The following SSBP3 variants were observed in gnomAD, a reference collection of about 807,000 sequenced individuals.
SSBP3 encodes the protein single stranded DNA binding protein 3, also known as single-stranded DNA-binding protein 3.
SSBP3 carries 5 observed loss-of-function variants against 69.6 expected under a neutral mutation model. That is an observed-to-expected ratio of 0.07 (90% CI 0.04 to 0.15). SSBP3 has a LOEUF of 0.15. Among genes scored for constraint, SSBP3 ranks in the 10% least tolerant of loss-of-function variants. SSBP3 has a pLI of 1.00. For synonymous variants in SSBP3, 196 were observed against 193.4 expected, an observed-to-expected ratio of 1.01 and a Z score of -0.11; for missense variants, 312 against 534.0, an observed-to-expected ratio of 0.58 and a Z score of 4.10.
chr1:54,230,526 T>G (rs573932318), intron 14 of SSBP3, among the ~76,000 whole-genome samples: 17 of 152,298 alleles, frequency 1.1e-4, no homozygotes, highest in African/African-American at 4.1e-4. Flanking sequence ...TTTATTGAGA[T>G]ATAATTCACA....
At chr1:54,268,989 C>T (rs944696433) in intron 5 of SSBP3, among the ~76,000 whole-genome samples, 11 of 152,168 alleles carry the variant, frequency 7.2e-5, no homozygotes, top group African/African-American at 2.7e-4. Flanking sequence ...TCACAGAGAA[C>T]TGTCTAACTA....
chr1:54,293,587 C>T (rs1390935771), intron 4 of SSBP3, among the ~76,000 whole-genome samples: 2 of 152,212 alleles, frequency 1.3e-5, no homozygotes, highest in African/African-American at 4.8e-5. Context: ...CACATATTTC[C>T]TTGATGAATA....
chr1:54,394,695 CTTTTT>C (rs544898836), intron 4 of SSBP3, among the ~76,000 whole-genome samples: 11 of 97,150 alleles, frequency 1.1e-4, no homozygotes, highest in Non-Finnish European at 1.7e-4. Flanking sequence ...CTTAAGACTC[CTTTTT>C]TTTTTTTTTT....
chr1:54,335,561 G>A (rs1022269727), intron 4 of SSBP3, among the ~76,000 whole-genome samples: 4 of 152,158 alleles, frequency 2.6e-5, no homozygotes, highest in Non-Finnish European at 5.9e-5. Flanking sequence ...TCATGTGTCC[G>A]GCCAGACTTA....
At chr1:54,344,650 C>T (rs773087923) in intron 4 of SSBP3, among the ~76,000 whole-genome samples, 1 of 152,162 alleles carries the variant, frequency 6.6e-6, no homozygotes, top group Non-Finnish European at 1.5e-5. Context: ...TTGGGGGAAA[C>T]ATCCGATCAA....
rs146256738 is a variant in SSBP3 at position 54,368,023 on chromosome 1, C to T, written c.276+33838G>A. Among the ~76,000 whole-genome samples, 202 of 152,180 alleles carry T rather than the reference C, an allele frequency of 1.3e-3. 1 individual carries two copies. The highest frequency in any genetic ancestry group is 4.6e-3 in the African/African-American group (191 of 41,534). On this transcript the variant is annotated intron_variant, in intron 4 of 17. Coordinates refer to ENST00000610401, the Ensembl canonical transcript of SSBP3. ...ATTTAAAAAGATAGAAAACCTAGGC[C>T]GGGCACAGTGGCTCACACCTGTAAT...
intron 9 of SSBP3, among the ~76,000 whole-genome samples, chr1:54,250,021 G>C (rs942818143): frequency 6.6e-6 from 1 of 152,204 alleles, no homozygotes; most frequent in African/African-American, 2.4e-5. Flanking sequence ...TGTGACTGCT[G>C]TGTGGCTTAG....
chr1:54,233,478 G>C (rs1394115302), intron 14 of SSBP3, among the ~76,000 whole-genome samples: 1 of 151,406 alleles, frequency 6.6e-6, no homozygotes, highest in South Asian at 2.1e-4. Context: ...CACACCGTCT[G>C]GGAGGGAGGT....
chr1:54,271,251 C>G (rs1192447619), intron 5 of SSBP3, among the ~76,000 whole-genome samples: 1 of 152,068 alleles, frequency 6.6e-6, no homozygotes, highest in Non-Finnish European at 1.5e-5. Flanking sequence ...GCTGGGACTA[C>G]AAGCCTATGC....
chr1:54,226,667 C>CT (rs543365018), exon 18 of SSBP3: 18,194 of 131,166 alleles, frequency 0.14, 1,409 homozygotes, highest in South Asian at 0.24. Context: ...TTCCTTTTTC[C>CT]TTTTTTTTTT....
chr1:54,342,448 T>C (rs1424393593), intron 4 of SSBP3, among the ~76,000 whole-genome samples: 2 of 152,172 alleles, frequency 1.3e-5, no homozygotes, highest in Non-Finnish European at 2.9e-5. Flanking sequence ...ACCAGAGCAG[T>C]GGGTGGGGCC....
intron 5 of SSBP3, among the ~76,000 whole-genome samples, chr1:54,276,697 G>C (rs1280266089): frequency 6.7e-6 from 1 of 150,354 alleles, no homozygotes; most frequent in East Asian, 2.0e-4. Flanking sequence ...GAAGCCACTG[G>C]AACAACTGCA....
At chr1:54,380,081 C>T (rs1267561668) in intron 4 of SSBP3, among the ~76,000 whole-genome samples, 2 of 152,168 alleles carry the variant, frequency 1.3e-5, no homozygotes, top group East Asian at 3.9e-4. Context: ...GGAATGTGGC[C>T]AATCTCGCCA....
At chr1:54,376,523 G>A (rs1050587449) in intron 4 of SSBP3, among the ~76,000 whole-genome samples, 3 of 152,182 alleles carry the variant, frequency 2.0e-5, no homozygotes, top group African/African-American at 4.8e-5. Context: ...ATAATGTGAA[G>A]GAAAAACTCG....
At chr1:54,367,802 A>G (rs551799767) in intron 4 of SSBP3, among the ~76,000 whole-genome samples, 13 of 152,366 alleles carry the variant, frequency 8.5e-5, no homozygotes, top group African/African-American at 2.9e-4. Flanking sequence ...TGGACCAACA[A>G]CTTTACACAT....
chr1:54,229,348 C>T (rs1644342508), intron 14 of SSBP3, among the ~76,000 whole-genome samples: 1 of 152,234 alleles, frequency 6.6e-6, no homozygotes, highest in Non-Finnish European at 1.5e-5. Context: ...CTGGAGCTGT[C>T]ATGCTGGCCC....
intron 13 of SSBP3, among the ~76,000 whole-genome samples, chr1:54,240,091 CGCGCGCGCGT>C (rs1557448815): frequency 6.8e-4 from 23 of 33,836 alleles, no homozygotes; most frequent in Admixed American, 1.2e-3. Flanking sequence ...TGTGTGTGCG[CGCGCGCGCGT>C]GTGCGTGCGC....
chr1:54,243,378 A>C, intron 9 of SSBP3, 79 bp from the exon 10 acceptor site: 4 of 1,508,068 alleles, frequency 2.7e-6, no homozygotes, highest in Non-Finnish European at 3.7e-6. Flanking sequence ...AAACAGACAA[A>C]ACATAGTGAG....
chr1:54,272,849 T>G (rs1570320145), intron 5 of SSBP3, among the ~76,000 whole-genome samples: 1 of 152,180 alleles, frequency 6.6e-6, no homozygotes, highest in Admixed American at 6.5e-5. Flanking sequence ...CTGACACCCA[T>G]CCTTCCAGTA....
Sources: gnomAD v4.1 joint callset for allele counts (sites outside exome capture counted in the v4.1 genomes callset) on GRCh38, gnomAD v4.1.1 for gene constraint, MANE v1.5 for transcripts, NCBI Gene and HGNC (gene_info 2026-07-23, HGNC 2026-07-21) for gene names.